The following ADCY7 variants were observed in gnomAD, a reference collection of about 807,000 sequenced individuals.
The protein encoded by ADCY7 is adenylate cyclase 7.
Under a neutral mutation model 120.6 loss-of-function variants are expected in ADCY7, and 72 were observed. The ratio of observed to expected loss-of-function variants is 0.60; its 90% CI spans 0.49 to 0.73. ADCY7 has a LOEUF of 0.73. Among genes scored for constraint, ADCY7 ranks in the 30% least tolerant of loss-of-function variants. ADCY7 has a pLI of 0.00. For missense variants in ADCY7, 1,227 were observed against 1,486.0 expected, an observed-to-expected ratio of 0.83 and a Z score of 2.87; for synonymous variants, 661 against 628.0, an observed-to-expected ratio of 1.05 and a Z score of -0.78.
chr16:50,306,918 C>A, intron 14 of ADCY7, 132 bp from the exon 15 acceptor site: 1 of 688,036 alleles, frequency 1.5e-6, no homozygotes, highest in Non-Finnish European at 2.4e-6. Context: ...CCTCGGCTCC[C>A]AAAGTGCTGG....
upstream of ADCY7, among the ~76,000 whole-genome samples, chr16:50,263,336 G>T (rs2033108113): frequency 6.6e-6 from 1 of 152,134 alleles, no homozygotes; most frequent in Non-Finnish European, 1.5e-5. Flanking sequence ...GTGGCTGGTG[G>T]CTGCGGCTGC....
chr16:50,309,715 G>A, intron 18 of ADCY7, 69 bp downstream of exon 18: 1 of 1,401,868 alleles, frequency 7.1e-7, no homozygotes. Flanking sequence ...GGTGTAGTTT[G>A]GACCCTCAAA....
intron 1 of ADCY7, among the ~76,000 whole-genome samples, chr16:50,275,858 G>A (rs974789100): frequency 6.6e-6 from 1 of 152,184 alleles, no homozygotes. Flanking sequence ...AGAGTCAGTT[G>A]CCCTGGCTAG....
chr16:50,312,762 G>A lies in ADCY7; in HGVS notation c.2605-128G>A, dbSNP rs377209144. On this transcript the variant is annotated intron_variant, in intron 21 of 25. Coordinates refer to ENST00000673801, the MANE Select transcript of ADCY7 (RefSeq NM_001114.5). ...CCACCAGATGAAACTCATGCAGCCC[G>A]CCCCCCTCCCCACTCCCCGAAAGCT... 24 of 770,152 alleles carry A rather than the reference G, an allele frequency of 3.1e-5. No individual in the cohort carries two copies. The East Asian group carries it at 3.8e-4, about 12-fold the overall frequency. The allele number at this position is 770,152 out of a possible 1,614,324, so 47.7% of individuals were successfully genotyped here.
At chr16:50,301,285 G>A (rs537625662) in intron 10 of ADCY7, 71 bp downstream of exon 10, 13 of 1,500,580 alleles carry the variant, frequency 8.7e-6, no homozygotes, top group African/African-American at 5.6e-5. Flanking sequence ...AGCCTGGCCC[G>A]CACCTTGGAG....
intron 5 of ADCY7, 46 bp from the exon 6 acceptor site, chr16:50,293,308 C>T (rs781709683): frequency 1.9e-5 from 30 of 1,596,046 alleles, no homozygotes; most frequent in Middle Eastern, 3.8e-4. Flanking sequence ...GTCCCTCCGC[C>T]GGTCGCTTTG....
At chr16:50,281,386 G>GGCAGGTGCA (rs993912590) in intron 1 of ADCY7, among the ~76,000 whole-genome samples, 4 of 35,976 alleles carry the variant, frequency 1.1e-4, no homozygotes, top group Non-Finnish European at 4.5e-4. Flanking sequence ...TGGCAGGTAA[G>GGCAGGTGCA]GCAGGTGCGG....
chr16:50,314,208 T>G, intron 23 of ADCY7, 84 bp from the exon 24 acceptor site: 2 of 1,447,544 alleles, frequency 1.4e-6, no homozygotes, highest in Non-Finnish European at 1.9e-6. Context: ...GTGGTGGGGA[T>G]CCTCAACAAG....
chr16:50,292,798 G>A lies in ADCY7; in HGVS notation c.660G>A (p.Arg220=), dbSNP rs199949675. 4 of 1,613,722 alleles carry A rather than the reference G, an allele frequency of 2.5e-6. No individual in the cohort carries two copies. The Admixed American group carries it at 6.7e-5, about 27-fold the overall frequency. The change falls in exon 5 of 26, where the codon CGG becomes CGA. Residue 220 remains arginine (R), a synonymous_variant. Coordinates refer to ENST00000673801, the MANE Select transcript of ADCY7 (RefSeq NM_001114.5). ...CTGTGAAGTGCATCCAGATCCGCCG[G>A]AAGCTGCGCATCGAGAAGCGCCAGC... is the stretch of plus-strand genomic sequence containing the variant. ...TYTVKCIQIR[R]KLRIEKRQQE...
At chr16:50,263,575 A>G (rs189718022), upstream of ADCY7, among the ~76,000 whole-genome samples, 1 of 151,602 alleles carries the variant, frequency 6.6e-6, no homozygotes, top group African/African-American at 2.4e-5. Context: ...ATCTTCACAC[A>G]CTCCCTGCTC....
rs550052298 is a variant in ADCY7 at position 50,292,759 on chromosome 16, C to A, written c.621C>A (p.Asp207Glu). 9 of 1,613,940 alleles carry A rather than the reference C, an allele frequency of 5.6e-6. No individual in the cohort carries two copies. The African/African-American group carries it at 9.3e-5, about 17-fold the overall frequency. Reference sequence around the variant, plus strand: ...ACCAAATGCAGGATGCATCCCGGGACCTCTTCACCTACACTGTGAAGTGCA... The same window carrying A: ...ACCAAATGCAGGATGCATCCCGGGAACTCTTCACCTACACTGTGAAGTGCA... Reference protein sequence around the residue: ...HKHQMQDASRDLFTYTVKCIQ... With the variant: ...HKHQMQDASRELFTYTVKCIQ... The change falls in exon 5 of 26, where the codon GAC becomes GAA. Residue 207 changes from aspartate (D) to glutamate (E), a missense_variant. By Grantham distance (45) the Asp-to-Glu change is conservative. Around this residue, in one of 5 missense-constraint regions of ADCY7, gnomAD observed 382 missense variants for 411.4 expected, o/e 0.93. Coordinates refer to ENST00000673801, the MANE Select transcript of ADCY7 (RefSeq NM_001114.5).
At chr16:50,268,283 A>G (rs577519572) in intron 1 of ADCY7, among the ~76,000 whole-genome samples, 2 of 152,054 alleles carry the variant, frequency 1.3e-5, no homozygotes, top group East Asian at 3.9e-4. Flanking sequence ...TATTTTTAGT[A>G]AAGTAAAGAC....
At position 50,288,307 on chromosome 16, in the gene ADCY7, C is replaced by T. The variant is rs769023727; in HGVS notation, c.128C>T (p.Ala43Val). ...CTGCTCACGCTCCTGCTGGTGGCCG[C>T]CACTGCCTGCGTGGCCCTCATCATC... ...PLLLTLLLVA[A>V]TACVALIIIA... The change falls in exon 2 of 26, where the codon GCC (alanine) becomes GTC (valine). Residue 43 changes from alanine (A) to valine (V), a missense_variant. This residue lies in a region of ADCY7 where 382 missense variants were observed against 411.4 expected (regional missense o/e 0.93). Transcript: ENST00000673801. 1.3e-5 allele frequency: 20 copies of T among 1,550,902 alleles called. No individual in the cohort carries two copies. The South Asian group carries it at 2.1e-4, about 17-fold the overall frequency.
intron 1 of ADCY7, among the ~76,000 whole-genome samples, chr16:50,278,002 G>A (rs866196444): frequency 2.0e-5 from 3 of 151,668 alleles, no homozygotes; most frequent in South Asian, 2.1e-4. Flanking sequence ...GTTTCATTAC[G>A]AGTGTGGTTA....
intron 12 of ADCY7, 93 bp downstream of exon 12, chr16:50,305,052 A>G: frequency 1.3e-6 from 2 of 1,507,388 alleles, no homozygotes; most frequent in Admixed American, 3.4e-5. Context: ...GCAGCTCCGC[A>G]AGGCCCAGCC....
chr16:50,304,090 G>A (rs2035904784), intron 10 of ADCY7, among the ~76,000 whole-genome samples: 1 of 152,096 alleles, frequency 6.6e-6, no homozygotes, highest in Admixed American at 6.5e-5. Flanking sequence ...GTGGGTACTT[G>A]CTAGCCTCTT....
intron 17 of ADCY7, chr16:50,309,275 C>A (rs1354310010): frequency 1.1e-5 from 5 of 461,738 alleles, no homozygotes; most frequent in Non-Finnish European, 1.5e-5. Flanking sequence ...TCAGGGTCAC[C>A]TGGGGAGGCT....
intron 19 of ADCY7, 25 bp from the exon 20 acceptor site, chr16:50,311,668 G>C (rs374491061): frequency 6.4e-7 from 1 of 1,562,216 alleles, no homozygotes; most frequent in Admixed American, 1.7e-5. Context: ...TGCTGGGAGT[G>C]ACTTGGGCCT....
At chr16:50,256,455 C>A (rs1293481814) in intron 1 of ADCY7, among the ~76,000 whole-genome samples, 1 of 152,160 alleles carries the variant, frequency 6.6e-6, no homozygotes, top group Non-Finnish European at 1.5e-5. Flanking sequence ...GTAATTCCAG[C>A]ACTTTGGGAG....
Sources: allele counts gnomAD v4.1 joint callset (sites outside exome capture counted in the v4.1 genomes callset), GRCh38; gene constraint gnomAD v4.1.1; regional missense constraint gnomAD v4.1.1; transcripts MANE v1.5; gene names NCBI Gene and HGNC (gene_info 2026-07-23, HGNC 2026-07-21).